KAT2B: variants seen among roughly 807,000 people sequenced by gnomAD.
The protein encoded by KAT2B is histone acetyltransferase KAT2B.
KAT2B carries 36 observed loss-of-function variants against 105.9 expected under a neutral mutation model. The observed-to-expected ratio is 0.34, with a 90% CI of 0.26 to 0.45. The LOEUF (loss-of-function observed/expected upper bound fraction) is 0.45, where lower values mean the gene tolerates loss of function less well. Ranked by LOEUF, KAT2B falls within the 20% of genes least tolerant of loss-of-function variation. KAT2B has a pLI of 1.00. For missense variants in KAT2B, 820 were observed against 1,021.6 expected (o/e 0.80, Z 2.69); for synonymous variants, 397 against 377.9 (o/e 1.05, Z -0.59).
intron 2 of KAT2B, among the ~76,000 whole-genome samples, chr3:20,080,384 G>A (rs1698498487): frequency 6.6e-6 from 1 of 152,136 alleles, no homozygotes; most frequent in Non-Finnish European, 1.5e-5. Flanking sequence ...TTCTGCCAGG[G>A]AATTCTGCTT....
chr3:20,139,238 T>C (rs558209803), intron 12 of KAT2B, among the ~76,000 whole-genome samples: 66 of 151,784 alleles, frequency 4.3e-4, no homozygotes, highest in African/African-American at 1.6e-3. Context: ...TTTAAAAATG[T>C]GTTCTTATGT....
chr3:20,085,533 G>T (rs1455192198), intron 2 of KAT2B, among the ~76,000 whole-genome samples: 1 of 149,566 alleles, frequency 6.7e-6, no homozygotes, highest in East Asian at 1.9e-4. Flanking sequence ...TTTTGCAGGG[G>T]GCAGAGTCTT....
intron 11 of KAT2B, among the ~76,000 whole-genome samples, chr3:20,130,172 T>G (rs1396138686): frequency 6.6e-6 from 1 of 152,196 alleles, no homozygotes; most frequent in African/African-American, 2.4e-5. Flanking sequence ...CTGCAATGTA[T>G]TTATTCTCAC....
intron 5 of KAT2B, among the ~76,000 whole-genome samples, chr3:20,106,406 TATCA>T (rs993089035): frequency 2.0e-5 from 3 of 151,878 alleles, no homozygotes; most frequent in Non-Finnish European, 2.9e-5. Context: ...GCAATAATAA[TATCA>T]ATCAATTTAT....
At chr3:20,063,934 A>G (rs2948097) in intron 1 of KAT2B, among the ~76,000 whole-genome samples, 98,255 of 152,002 alleles carry the variant, frequency 0.65, 33,155 homozygotes, top group Non-Finnish European at 0.76. Flanking sequence ...TCTTGTGCAC[A>G]CAGATACCTA....
At chr3:20,121,287 T>C (rs1343271558) in intron 8 of KAT2B, among the ~76,000 whole-genome samples, 10 of 152,210 alleles carry the variant, frequency 6.6e-5, no homozygotes, top group East Asian at 1.9e-4. Context: ...GAGAATGCTA[T>C]GTGGAGAATG....
In KAT2B at chr3:20,122,687, T is replaced by C. The variant is rs1209858799; in HGVS notation, c.1296T>C (p.Thr432=). ...EANPGEKRKM[T]DSHVLEEAKK... The stretch of plus-strand genomic sequence containing the variant: ...TCATAGGAGAAAAGAGGAAAATGAC[T>C]GATTCTCATGTTCTGGAGGAGGCCA... The change falls in exon 9 of 18, where the codon ACT becomes ACC. Residue 432 remains threonine (T), a synonymous_variant. Coordinates refer to ENST00000263754, the MANE Select transcript of KAT2B (RefSeq NM_003884.5). 1 of 1,613,766 alleles carries C rather than the reference T, an allele frequency of 6.2e-7. No individual in the cohort carries two copies. Among genetic ancestry groups the C allele is most frequent in the Admixed American group, 1.7e-5 (1 of 59,960 alleles).
At position 20,102,279 on chromosome 3, in the gene KAT2B, T is replaced by C. The variant is rs901569291; in HGVS notation, c.851+811T>C. Reference sequence around the variant, plus strand: ...TGCAGTGAACTGAGATCGTGCACTCTGGGCAACAGAGCAAGACTCTGTCTC... The same window carrying C: ...TGCAGTGAACTGAGATCGTGCACTCCGGGCAACAGAGCAAGACTCTGTCTC... On this transcript the variant is annotated intron_variant, in intron 5 of 17. Coordinates refer to ENST00000263754, the MANE Select transcript of KAT2B (RefSeq NM_003884.5). Among the ~76,000 whole-genome samples the C allele has an allele frequency of 2.6e-5, 4 of 152,194 alleles. No homozygotes were observed. In the South Asian group the frequency reaches 8.3e-4, roughly 32 times the overall value.
At position 20,148,497 on chromosome 3, in the gene KAT2B, T is replaced by C. The variant is rs138945888; in HGVS notation, c.2305+10T>C. The C allele has an allele frequency of 3.2e-4, 495 of 1,550,518 alleles. 3 individuals are homozygous for C. In the African/African-American group the frequency reaches 5.9e-3, roughly 18 times the overall value. On this transcript the variant is annotated intron_variant, in intron 17 of 17. Transcript: ENST00000263754. Reference sequence around the variant, plus strand: ...ATAAGGTTCCCCATGGGTAATACCATTAACATTTTCTAAGTATAGATTTAA... The same window carrying C: ...ATAAGGTTCCCCATGGGTAATACCACTAACATTTTCTAAGTATAGATTTAA...
chr3:20,124,075 A>T (rs1699356652), intron 9 of KAT2B, among the ~76,000 whole-genome samples: 1 of 152,210 alleles, frequency 6.6e-6, no homozygotes, highest in Admixed American at 6.5e-5. Flanking sequence ...ATGTTGTAAT[A>T]GAAAAATCTC....
intron 2 of KAT2B, among the ~76,000 whole-genome samples, chr3:20,087,268 C>T (rs1286188222): frequency 6.6e-6 from 1 of 152,106 alleles, no homozygotes; most frequent in African/African-American, 2.4e-5. Flanking sequence ...TTACACTGAT[C>T]TGATCACTGT....
At chr3:20,151,811 T>C (rs1699873644) in intron 17 of KAT2B, among the ~76,000 whole-genome samples, 2 of 152,214 alleles carry the variant, frequency 1.3e-5, no homozygotes, top group South Asian at 4.1e-4. Context: ...TTCATTTGAA[T>C]CATTTTACAT....
At chr3:20,088,636 T>C (rs1698662254) in intron 2 of KAT2B, among the ~76,000 whole-genome samples, 1 of 152,232 alleles carries the variant, frequency 6.6e-6, no homozygotes, top group Non-Finnish European at 1.5e-5. Context: ...TTATATATTT[T>C]GGATATTAGC....
At chr3:20,146,145 GTATAA>G (rs1350916944) in intron 13 of KAT2B, among the ~76,000 whole-genome samples, 166 bp from the exon 14 acceptor site, 5 of 152,186 alleles carry the variant, frequency 3.3e-5, no homozygotes, top group Admixed American at 1.3e-4. Context: ...AATAGACATG[GTATAA>G]TATAATCTGT....
At chr3:20,078,391 T>C (rs1698457551) in intron 2 of KAT2B, among the ~76,000 whole-genome samples, 2 of 152,130 alleles carry the variant, frequency 1.3e-5, no homozygotes, top group South Asian at 4.1e-4. Flanking sequence ...TTCAGTGTTG[T>C]CACCTTTTTC....
At chr3:20,087,230 T>C (rs181818992) in intron 2 of KAT2B, among the ~76,000 whole-genome samples, 1 of 152,332 alleles carries the variant, frequency 6.6e-6, no homozygotes, top group Admixed American at 6.5e-5. Context: ...AAAGAAATGA[T>C]AAATATTTGA....
At chr3:20,126,746 C>G (rs976997914) in intron 10 of KAT2B, among the ~76,000 whole-genome samples, 1 of 144,352 alleles carries the variant, frequency 6.9e-6, no homozygotes, top group African/African-American at 2.6e-5. Flanking sequence ...TGCTTGAACC[C>G]AGGAGGCGGA....
intron 12 of KAT2B, among the ~76,000 whole-genome samples, chr3:20,138,174 A>G (rs1699635285): frequency 6.6e-6 from 1 of 152,206 alleles, no homozygotes; most frequent in East Asian, 1.9e-4. Context: ...CTGTCACCCC[A>G]AGAAATTTAC....
chr3:20,091,850 G>A (rs116594469), intron 2 of KAT2B, among the ~76,000 whole-genome samples: 6,589 of 152,044 alleles, frequency 0.043, 197 homozygotes, highest in South Asian at 0.076. Context: ...AAATAATTGC[G>A]GTTTTTGCCA....
Sources: allele counts gnomAD v4.1 joint callset (sites outside exome capture counted in the v4.1 genomes callset), GRCh38; gene constraint gnomAD v4.1.1; transcripts MANE v1.5; gene names NCBI Gene and HGNC (gene_info 2026-07-23, HGNC 2026-07-21).